The following ARHGAP8 variants were observed in gnomAD, a reference collection of about 807,000 sequenced individuals.
ARHGAP8 encodes the protein Rho GTPase activating protein 8.
ARHGAP8 carries 62 observed loss-of-function variants against 46.1 expected under a neutral mutation model. The ratio of observed to expected loss-of-function variants is 1.34; its 90% CI spans 1.10 to 1.66. ARHGAP8 has a LOEUF of 1.66. ARHGAP8 is among the 40% of genes most tolerant of loss of function. The pLI is 0.00. For missense variants in ARHGAP8, 923 were observed against 568.4 expected (o/e 1.62, Z -6.34); for synonymous variants, 375 against 243.1 (o/e 1.54, Z -5.05).
At chr22:44,767,407 T>C (rs1925657337) in intron 1 of ARHGAP8, among the ~76,000 whole-genome samples, 1 of 152,106 alleles carries the variant, frequency 6.6e-6, no homozygotes, top group East Asian at 1.9e-4. Flanking sequence ...CTGCTGAACA[T>C]GTTAGCTGCC....
At chr22:44,851,090 G>A (rs1396425034) in intron 10 of ARHGAP8, 1 of 151,774 alleles carries the variant, frequency 6.6e-6, no homozygotes, top group Non-Finnish European at 1.5e-5. Flanking sequence ...AACATTCAAA[G>A]TGCTACCTCT....
chr22:44,797,973 A>G (rs1928212954), intron 2 of ARHGAP8, among the ~76,000 whole-genome samples: 1 of 145,678 alleles, frequency 6.9e-6, no homozygotes, highest in South Asian at 2.2e-4. Flanking sequence ...GCACCTGGCC[A>G]ATAAGATTTT....
At chr22:44,824,513 C>T (rs1317531853) in intron 6 of ARHGAP8, among the ~76,000 whole-genome samples, 4 of 152,156 alleles carry the variant, frequency 2.6e-5, no homozygotes, top group African/African-American at 9.7e-5. Context: ...ATCCTGTGGC[C>T]GGGTCCCTGC....
chr22:44,810,030 C>T (rs1268034279), intron 4 of ARHGAP8, among the ~76,000 whole-genome samples: 1 of 152,174 alleles, frequency 6.6e-6, no homozygotes. Context: ...GGCCTAGCCC[C>T]AGCGCATGTC....
intron 4 of ARHGAP8, among the ~76,000 whole-genome samples, chr22:44,813,927 G>A (rs1174979967): frequency 3.9e-5 from 6 of 152,162 alleles, no homozygotes; most frequent in African/African-American, 1.4e-4. Context: ...TGGATAAGAG[G>A]TGGCTCTGGC....
In ARHGAP8 at chr22:44,862,768, G is replaced by A. The variant is rs2070565219; in HGVS notation, c.*173G>A. On this transcript the variant is annotated 3_prime_UTR_variant, in exon 12 of 12. Transcript: ENST00000356099. ...CTCTTGTCCATGGTTCCTGAGCTGT[G>A]GACCGGGATAGAATAATGCATTTGT... 5.0e-6 allele frequency: 4 copies of A among 796,542 alleles called. No individual in the cohort carries two copies. The highest frequency in any genetic ancestry group is 1.7e-5 in the African/African-American group (1 of 58,022). The allele number at this position is 796,542 out of a possible 1,614,324, so 49.3% of individuals were successfully genotyped here. A position where few individuals can be genotyped will look rare whatever the true frequency, so the allele number is the denominator to read the frequency against.
intron 11 of ARHGAP8, among the ~76,000 whole-genome samples, chr22:44,861,496 A>G (rs756932844): frequency 6.6e-6 from 1 of 152,082 alleles, no homozygotes; most frequent in African/African-American, 2.4e-5. Flanking sequence ...GCATCCAGCC[A>G]TCTCACCTGA....
chr22:44,821,095 T>C (rs1327405982), intron 5 of ARHGAP8, among the ~76,000 whole-genome samples: 1 of 152,264 alleles, frequency 6.6e-6, no homozygotes, highest in Non-Finnish European at 1.5e-5. Context: ...AATACATAAC[T>C]TTCCTTTTCC....
intron 5 of ARHGAP8, 121 bp from the exon 6 acceptor site, chr22:44,822,250 A>G (rs1175850628): frequency 3.7e-6 from 3 of 808,574 alleles, no homozygotes; most frequent in African/African-American, 3.7e-5. Flanking sequence ...CAGCGTTTAC[A>G]TTTTCTTAAT....
chr22:44,816,803 C>CAAAAAAA (rs1183457228), intron 5 of ARHGAP8, among the ~76,000 whole-genome samples: 1,073 of 66,128 alleles, frequency 0.016, 39 homozygotes, highest in African/African-American at 0.055. Flanking sequence ...GACCCTGTCT[C>CAAAAAAA]AAAAAAAAAA....
At chr22:44,770,231 G>A (rs978073771) in intron 1 of ARHGAP8, among the ~76,000 whole-genome samples, 2 of 151,856 alleles carry the variant, frequency 1.3e-5, no homozygotes, top group African/African-American at 4.8e-5. Context: ...GCAACAGAGC[G>A]AGACTCCATC....
chr22:44,808,421 C>T lies in ARHGAP8; in HGVS notation c.282C>T (p.Tyr94=). 1 of 1,614,144 alleles carries T rather than the reference C, an allele frequency of 6.2e-7. No individual in the cohort carries two copies. Among genetic ancestry groups the T allele is most frequent in the Non-Finnish European group, 8.5e-7 (1 of 1,180,026 alleles). ...KPSLGWLQSA[Y]KEFDRKYKKN... ...CCCTGGGCTGGCTCCAGAGCGCATA[C>T]AAGGAGTTCGATAGGAAGTACGTGC... The change falls in exon 4 of 12, where the codon TAC becomes TAT. Residue 94 remains tyrosine (Y), a synonymous_variant. Coordinates refer to ENST00000356099, the MANE Select transcript of ARHGAP8 (RefSeq NM_181335.3).
At chr22:44,862,091 G>T (rs1359186444) in intron 11 of ARHGAP8, among the ~76,000 whole-genome samples, 184 bp from the exon 12 acceptor site, 1 of 152,190 alleles carries the variant, frequency 6.6e-6, no homozygotes, top group African/African-American at 2.4e-5. Context: ...CTTCCTTTTA[G>T]AGATAGGGTA....
At chr22:44,849,342 C>T (rs1251037146) in intron 10 of ARHGAP8, 9 of 452,586 alleles carry the variant, frequency 2.0e-5, no homozygotes, top group South Asian at 2.6e-5. Context: ...ATGGGGGGCT[C>T]TCTAGATTTG....
intron 2 of ARHGAP8, among the ~76,000 whole-genome samples, chr22:44,789,263 G>GAA (rs763453869): frequency 0.01 from 1,589 of 152,056 alleles, 16 homozygotes; most frequent in Middle Eastern, 0.02. Context: ...TGATTCTCCT[G>GAA]TCTCAGCCTC....
chr22:44,836,219 T>A (rs761520292), intron 7 of ARHGAP8, among the ~76,000 whole-genome samples: 14 of 152,078 alleles, frequency 9.2e-5, no homozygotes, highest in Non-Finnish European at 1.6e-4. Context: ...AAGACTGTGA[T>A]CTGTACCTTT....
chr22:44,760,556 G>A (rs1038394612), intron 1 of ARHGAP8, among the ~76,000 whole-genome samples: 1 of 152,100 alleles, frequency 6.6e-6, no homozygotes, highest in Non-Finnish European at 1.5e-5. Context: ...ATACCACAGC[G>A]AGCTCTTCCT....
chr22:44,853,427 C>A (rs1248931374), intron 10 of ARHGAP8, among the ~76,000 whole-genome samples: 2 of 152,114 alleles, frequency 1.3e-5, no homozygotes, highest in African/African-American at 4.8e-5. Context: ...TAGGAGAAAA[C>A]TGGAAATGTT....
At chr22:44,776,775 C>T (rs188187969) in intron 1 of ARHGAP8, among the ~76,000 whole-genome samples, 41 of 152,170 alleles carry the variant, frequency 2.7e-4, no homozygotes, top group Non-Finnish European at 4.0e-4. Context: ...AATGGCGCTG[C>T]GCACTGTAGG....
Sources: allele counts gnomAD v4.1 joint callset (sites outside exome capture counted in the v4.1 genomes callset), GRCh38; gene constraint gnomAD v4.1.1; transcripts MANE v1.5; gene names NCBI Gene and HGNC (gene_info 2026-07-23, HGNC 2026-07-21).